Variants in SNTG2 observed in about 807,000 individuals in gnomAD.
SNTG2 encodes gamma-2-syntrophin.
In SNTG2, 74 loss-of-function variants were observed where a neutral mutation model predicts 70.9. The observed-to-expected ratio is 1.04, with a 90% CI of 0.86 to 1.27. The LOEUF is 1.27. Ranked by LOEUF, SNTG2 falls within the 50% of genes most tolerant of loss-of-function variation. The probability of loss-of-function intolerance (pLI) is 0.00; values close to 1 mark genes in which losing one functional copy is unlikely to be tolerated. For synonymous variants in SNTG2, 278 were observed against 273.8 expected, an observed-to-expected ratio of 1.02 and a Z score of -0.15; for missense variants, 717 against 690.7, an observed-to-expected ratio of 1.04 and a Z score of -0.43.
At chr2:1,202,659 A>G (rs146156614) in intron 8 of SNTG2, among the ~76,000 whole-genome samples, 4,001 of 152,260 alleles carry the variant, frequency 0.026, 86 homozygotes, top group South Asian at 0.079. Context: ...GCAACATCCA[A>G]CTGTATGGTG....
chr2:1,166,632 C>T (rs533372993), intron 7 of SNTG2, among the ~76,000 whole-genome samples: 13 of 152,212 alleles, frequency 8.5e-5, no homozygotes, highest in Admixed American at 4.6e-4. Context: ...AGGAGAAGGG[C>T]GGGTCCCTGG....
intron 1 of SNTG2, among the ~76,000 whole-genome samples, chr2:1,031,401 G>A (rs1434685167): frequency 6.0e-5 from 9 of 150,484 alleles, no homozygotes; most frequent in Non-Finnish European, 1.3e-4. Flanking sequence ...CCTAAGATGT[G>A]CTTTAATTGA....
chr2:1,085,477 T>C (rs1319904239), intron 2 of SNTG2, among the ~76,000 whole-genome samples: 1 of 152,234 alleles, frequency 6.6e-6, no homozygotes, highest in East Asian at 1.9e-4. Context: ...CTAGTTATAT[T>C]TGTATTCCCA....
At chr2:1,323,435 G>C (rs1681617692) in intron 16 of SNTG2, among the ~76,000 whole-genome samples, 1 of 150,474 alleles carries the variant, frequency 6.6e-6, no homozygotes, top group Admixed American at 6.7e-5. Context: ...CCATAGGCTG[G>C]GACATGGCTC....
intron 9 of SNTG2, among the ~76,000 whole-genome samples, chr2:1,220,650 T>C (rs1042251873): frequency 3.9e-5 from 6 of 152,228 alleles, no homozygotes; most frequent in African/African-American, 1.4e-4. Flanking sequence ...GATAGAAGAT[T>C]AGGGTGTTCA....
intron 9 of SNTG2, among the ~76,000 whole-genome samples, chr2:1,229,363 TAC>T (rs1265968382): frequency 6.6e-6 from 1 of 152,186 alleles, no homozygotes; most frequent in Non-Finnish European, 1.5e-5. Context: ...AGTAGCTAGA[TAC>T]AGAGTGTCCA....
chr2:1,098,091 A>G (rs775067558), intron 2 of SNTG2, 105 bp from the exon 3 acceptor site: 23 of 1,270,758 alleles, frequency 1.8e-5, no homozygotes, highest in Non-Finnish European at 2.6e-5. Context: ...CTTTGGAAAT[A>G]TAATTTAACA....
intron 15 of SNTG2, among the ~76,000 whole-genome samples, chr2:1,313,454 G>A (rs1294573453): frequency 6.6e-6 from 1 of 152,222 alleles, no homozygotes; most frequent in Non-Finnish European, 1.5e-5. Flanking sequence ...TGTGAGTGGA[G>A]CACATGCCAC....
At chr2:1,191,413 T>C (rs1273336437) in intron 8 of SNTG2, among the ~76,000 whole-genome samples, 1 of 152,140 alleles carries the variant, frequency 6.6e-6, no homozygotes, top group Middle Eastern at 3.2e-3. Flanking sequence ...CACCACAGAA[T>C]TCAGGATATT....
intron 1 of SNTG2, among the ~76,000 whole-genome samples, chr2:1,080,096 C>T (rs1474906189): frequency 6.6e-6 from 1 of 152,084 alleles, no homozygotes; most frequent in Non-Finnish European, 1.5e-5. Flanking sequence ...AGGGCGGTGG[C>T]GAGGGGGACT....
At chr2:1,046,564 C>T (rs536682857) in intron 1 of SNTG2, among the ~76,000 whole-genome samples, 2 of 152,212 alleles carry the variant, frequency 1.3e-5, no homozygotes, top group East Asian at 3.9e-4. Context: ...GTAACAAATT[C>T]CCTTGGCATT....
intron 4 of SNTG2, among the ~76,000 whole-genome samples, chr2:1,126,066 A>G (rs1013370725): frequency 7.9e-5 from 12 of 152,172 alleles, no homozygotes; most frequent in African/African-American, 2.9e-4. Flanking sequence ...TCATTATTCT[A>G]CAGTGCTATA....
intron 6 of SNTG2, among the ~76,000 whole-genome samples, chr2:1,150,411 G>A (rs1301986609): frequency 1.3e-5 from 2 of 152,180 alleles, no homozygotes; most frequent in Non-Finnish European, 2.9e-5. Flanking sequence ...CCCTGCCACA[G>A]CACCAGTGGG....
At position 1,267,520 on chromosome 2, in the gene SNTG2, G is replaced by A; in HGVS notation, c.1233G>A (p.Met411Ile). 2 of 1,613,774 alleles carry A rather than the reference G, an allele frequency of 1.2e-6. No individual in the cohort carries two copies. Among genetic ancestry groups the A allele is most frequent in the Non-Finnish European group, 1.7e-6 (2 of 1,179,900 alleles). Reference protein sequence around the residue: ...FNVELGSELAMWEKSFQRATF... With the variant: ...FNVELGSELAIWEKSFQRATF... Reference sequence around the variant, plus strand: ...TGGAGCTTGGCAGCGAGCTGGCCATGTGGGAGAAGTCCTTCCAAAGAGCCA... The same window carrying A: ...TGGAGCTTGGCAGCGAGCTGGCCATATGGGAGAAGTCCTTCCAAAGAGCCA... Residue 411 changes from methionine (M) to isoleucine (I), a missense_variant, in exon 14 of 17, where the codon ATG becomes ATA. Transcript: ENST00000308624.
Position 982,522 on chromosome 2 carries a change from G to A in SNTG2, c.72+31454G>A, listed in dbSNP as rs1449957709. Among the ~76,000 whole-genome samples the A allele has an allele frequency of 3.3e-5, 5 of 152,336 alleles. No individual in the cohort carries two copies. The South Asian group carries it at 6.2e-4, about 19-fold the overall frequency. ...TTTGTGTTCCTGTTCCCTCCTGGTT[G>A]TGAGTAAAGTTGAGTAGTTAGTAAT... On this transcript the variant is annotated intron_variant, in intron 1 of 16. Coordinates refer to ENST00000308624, the MANE Select transcript of SNTG2 (RefSeq NM_018968.4).
chr2:1,210,581 T>C (rs777183880), intron 9 of SNTG2: 1 of 152,198 alleles, frequency 6.6e-6, no homozygotes, highest in Non-Finnish European at 1.5e-5. Flanking sequence ...CTGCCAATCA[T>C]ATAAAAGGAA....
At chr2:1,170,080 T>A (rs1162252412) in intron 7 of SNTG2, among the ~76,000 whole-genome samples, 2 of 151,788 alleles carry the variant, frequency 1.3e-5, no homozygotes, top group Non-Finnish European at 2.9e-5. Context: ...CTCCAGTGAG[T>A]GGGGAAAGAG....
At position 1,283,332 on chromosome 2, in the gene SNTG2, G is replaced by C. The variant is rs142871303; in HGVS notation, c.1284+15761G>C. ...TGCCAATCCGGCTGCTTGGGACCGG[G>C]GTGCCCACCCCTTTGCCTCCCTTTG... is the stretch of plus-strand genomic sequence containing the variant. On this transcript the variant is annotated intron_variant, in intron 14 of 16. Transcript: ENST00000308624. Among the ~76,000 whole-genome samples, 683 of 152,256 alleles carry C rather than the reference G, an allele frequency of 4.5e-3. 7 individuals are homozygous for C. The highest frequency in any genetic ancestry group is 0.014 in the African/African-American group (595 of 41,552).
chr2:1,091,169 G>A (rs114520100), intron 2 of SNTG2, among the ~76,000 whole-genome samples: 157 of 152,140 alleles, frequency 1.0e-3, no homozygotes, highest in Non-Finnish European at 1.9e-3. Context: ...CAGCTGACTG[G>A]CAAGAGCAGT....
Sources: allele counts gnomAD v4.1 joint callset (sites outside exome capture counted in the v4.1 genomes callset), GRCh38; gene constraint gnomAD v4.1.1; transcripts MANE v1.5; gene names NCBI Gene and HGNC (gene_info 2026-07-23, HGNC 2026-07-21).